TLE1: variants seen among roughly 807,000 people sequenced by gnomAD.
TLE1 encodes the protein TLE family member 1, transcriptional corepressor, also known as transducin-like enhancer protein 1.
TLE1 carries 21 observed loss-of-function variants against 89.8 expected under a neutral mutation model. That is an observed-to-expected ratio of 0.23 (90% confidence interval 0.17 to 0.34). The LOEUF (loss-of-function observed/expected upper bound fraction) is 0.34. Among genes scored for constraint, TLE1 ranks in the 10% least tolerant of loss-of-function variants. TLE1 has a pLI of 1.00. For missense variants in TLE1, 795 were observed against 1,031.2 expected, an observed-to-expected ratio of 0.77 and a Z score of 3.14; for synonymous variants, 447 against 407.6, an observed-to-expected ratio of 1.10 and a Z score of -1.16.
chr9:81,658,918 ATT>A (rs915773052), intron 4 of TLE1, among the ~76,000 whole-genome samples: 1 of 149,050 alleles, frequency 6.7e-6, no homozygotes, highest in Admixed American at 6.7e-5. Context: ...CTATTTATTT[ATT>A]TTTTTTTTAG....
intron 4 of TLE1, among the ~76,000 whole-genome samples, chr9:81,671,647 A>C (rs1243960934): frequency 6.6e-6 from 1 of 152,000 alleles, no homozygotes; most frequent in Non-Finnish European, 1.5e-5. Flanking sequence ...TCCGTCTCAA[A>C]AAAAAAAAAG....
chr9:81,624,404 C>G (rs772185102), intron 8 of TLE1, among the ~76,000 whole-genome samples: 1 of 152,170 alleles, frequency 6.6e-6, no homozygotes, highest in Non-Finnish European at 1.5e-5. Context: ...TCATGGCATG[C>G]CAATCACCAG....
At chr9:81,675,698 G>GTTTGTTT (rs1554701835) in intron 4 of TLE1, among the ~76,000 whole-genome samples, 11 of 129,670 alleles carry the variant, frequency 8.5e-5, no homozygotes, top group African/African-American at 3.3e-4. Flanking sequence ...ACTCACACTA[G>GTTTGTTT]TTTTTTTTTG....
rs1824555319 is a variant in TLE1, at chr9:81,616,683, T to C, written c.728A>G (p.Lys243Arg). The change falls in exon 10 of 20, where the codon AAA becomes AGA. Residue 243 changes from lysine to arginine, a missense_variant. By Grantham distance (26) the Lys-to-Arg change is conservative. Around this residue, in one of 4 missense-constraint regions of TLE1, gnomAD observed 468 missense variants for 509.1 expected, o/e 0.92. Coordinates refer to ENST00000376499, the MANE Select transcript of TLE1 (RefSeq NM_005077.5). ...DSSHYDSDGD[K>R]SDDNLVVDVS... The stretch of plus-strand genomic sequence containing the variant: ...ATCCACAACTAAGTTGTCATCGCTT[T>C]TGTCACCATCACTGTCCTGGAAAAA... 1 of 1,614,168 alleles carries C rather than the reference T, an allele frequency of 6.2e-7. No homozygotes were observed. Among genetic ancestry groups the C allele is most frequent in the Non-Finnish European group, 8.5e-7 (1 of 1,180,032 alleles).
chr9:81,593,148 C>T lies in TLE1; in HGVS notation c.1458G>A (p.Val486=). 46 of 1,614,172 alleles carry T rather than the reference C, an allele frequency of 2.8e-5. No individual in the cohort carries two copies. Among genetic ancestry groups the T allele is most frequent in the Non-Finnish European group, 3.8e-5 (45 of 1,180,038 alleles). Residue 486 remains valine, a synonymous_variant, in exon 15 of 20, where the codon GTG becomes GTA. Coordinates refer to ENST00000376499, the MANE Select transcript of TLE1 (RefSeq NM_005077.5). ...RQINTLNHGE[V]VCAVTISNPT... ...GGTTGCTGATGGTCACAGCGCACAC[C>T]ACCTCCCCGTGGTTGAGGGTGTTGA...
At chr9:81,600,792 A>G (rs1196110116) in intron 14 of TLE1, among the ~76,000 whole-genome samples, 1 of 152,162 alleles carries the variant, frequency 6.6e-6, no homozygotes, top group Admixed American at 6.5e-5. Flanking sequence ...AGGTAACCTG[A>G]GTAAAGAAGG....
intron 14 of TLE1, among the ~76,000 whole-genome samples, chr9:81,595,701 C>T (rs1022228891): frequency 6.6e-6 from 1 of 151,748 alleles, no homozygotes; most frequent in Non-Finnish European, 1.5e-5. Context: ...CGCTTGTAGT[C>T]CCAGCTACTC....
chr9:81,635,389 T>C (rs1361311935), intron 6 of TLE1, among the ~76,000 whole-genome samples: 2 of 152,132 alleles, frequency 1.3e-5, no homozygotes, highest in Non-Finnish European at 2.9e-5. Context: ...TTTGCCCCCA[T>C]TGCTTAACCC....
chr9:81,681,287 T>C (rs1833592588), intron 4 of TLE1, among the ~76,000 whole-genome samples: 2 of 152,204 alleles, frequency 1.3e-5, no homozygotes, highest in African/African-American at 2.4e-5. Context: ...CAGTGGTTTA[T>C]GCCTGTAATC....
rs150464016 is a variant in TLE1, at chr9:81,660,397, G to A, written c.235-6361C>T. 2.4e-3 allele frequency among the ~76,000 whole-genome samples: 370 copies of A among 151,426 alleles called. 2 individuals are homozygous for A. Among genetic ancestry groups the A allele is most frequent in the African/African-American group, 8.4e-3 (348 of 41,324 alleles). On this transcript the variant is annotated intron_variant, in intron 4 of 19. Coordinates refer to ENST00000376499, the MANE Select transcript of TLE1 (RefSeq NM_005077.5). ...AAGTATAAAATTCATGTACATGTAT[G>A]GTTTTATTTTTTTATTTTATTATTA...
chr9:81,588,313 T>C (rs1487452323), intron 16 of TLE1, among the ~76,000 whole-genome samples: 1 of 152,140 alleles, frequency 6.6e-6, no homozygotes, highest in Non-Finnish European at 1.5e-5. Flanking sequence ...CATTCCTGTT[T>C]CCATGAGTGA....
Position 81,610,889 on chromosome 9 carries a change from G to A in TLE1, c.1255-593C>T, listed in dbSNP as rs184602180. On this transcript the variant is annotated intron_variant, in intron 13 of 19. Coordinates refer to ENST00000376499, the MANE Select transcript of TLE1 (RefSeq NM_005077.5). ...ACATGGATTCCCTACTTTGTGCAGC[G>A]TTAAGGACAGCATGTAGTCTCTCAG... Among the ~76,000 whole-genome samples the A allele has an allele frequency of 2.4e-3, 367 of 152,186 alleles. 2 individuals carry two copies. The highest frequency in any genetic ancestry group is 0.014 in the Middle Eastern group (4 of 294).
intron 17 of TLE1, among the ~76,000 whole-genome samples, chr9:81,587,398 T>C (rs1828660579): frequency 1.3e-5 from 2 of 152,160 alleles, no homozygotes; most frequent in Admixed American, 6.6e-5. Flanking sequence ...AACTATACAT[T>C]CTTCAATGTA....
At chr9:81,675,644 G>A (rs897070801) in intron 4 of TLE1, among the ~76,000 whole-genome samples, 3 of 151,112 alleles carry the variant, frequency 2.0e-5, no homozygotes, top group Non-Finnish European at 4.4e-5. Context: ...GTTAGATAAG[G>A]TTATTAGAAC....
At chr9:81,587,636 C>T (rs774491261) in intron 17 of TLE1, 45 bp downstream of exon 17, 2 of 1,566,108 alleles carry the variant, frequency 1.3e-6, no homozygotes, top group Admixed American at 1.8e-5. Flanking sequence ...AGACACACCC[C>T]AGCCACCTCC....
chr9:81,670,656 C>T (rs912937880), intron 4 of TLE1, among the ~76,000 whole-genome samples: 5 of 149,602 alleles, frequency 3.3e-5, no homozygotes, highest in African/African-American at 1.2e-4. Context: ...ACAATTGTTA[C>T]TTATTCCTTA....
At chr9:81,607,056 T>C (rs370902640) in intron 14 of TLE1, among the ~76,000 whole-genome samples, 906 of 88,800 alleles carry the variant, frequency 0.01, 11 homozygotes, top group African/African-American at 0.058. Flanking sequence ...AGACCCAGTG[T>C]CTCTAAAAAA....
chr9:81,624,635 A>G (rs1389794623), intron 8 of TLE1, among the ~76,000 whole-genome samples: 2 of 152,336 alleles, frequency 1.3e-5, no homozygotes, highest in Admixed American at 6.5e-5. Flanking sequence ...CAAGAAACCC[A>G]AAGTTTTATT....
intron 17 of TLE1, among the ~76,000 whole-genome samples, chr9:81,586,079 G>A (rs932604697): frequency 8.0e-5 from 12 of 149,382 alleles, no homozygotes; most frequent in African/African-American, 3.0e-4. Context: ...GTGAAGCGGC[G>A]TTATCTCGGC....
Sources: gnomAD v4.1 joint callset for allele counts (sites outside exome capture counted in the v4.1 genomes callset) on GRCh38, gnomAD v4.1.1 for gene constraint, gnomAD v4.1.1 regional missense constraint, MANE v1.5 for transcripts, NCBI Gene and HGNC (gene_info 2026-07-23, HGNC 2026-07-21) for gene names.